Variants in SEMA3A observed in about 807,000 individuals in gnomAD.
SEMA3A encodes the protein semaphorin-3A.
SEMA3A carries 29 observed loss-of-function variants against 97.9 expected under a neutral mutation model. The ratio of observed to expected loss-of-function variants is 0.30; its 90% CI spans 0.22 to 0.40. The LOEUF is 0.40. SEMA3A is among the 10% of genes least tolerant of loss of function. The pLI is 1.00. For synonymous variants in SEMA3A, 321 were observed against 323.7 expected (o/e 0.99, Z 0.09); for missense variants, 763 against 951.3 (o/e 0.80, Z 2.60).
At chr7:84,265,484 T>A (rs1214120316) in intron 3 of SEMA3A, among the ~76,000 whole-genome samples, 3 of 147,494 alleles carry the variant, frequency 2.0e-5, no homozygotes, top group African/African-American at 7.4e-5. Flanking sequence ...ATCTTATATA[T>A]AAAATATATT....
At chr7:84,114,943 T>G (rs1795381134) in intron 3 of SEMA3A, among the ~76,000 whole-genome samples, 1 of 152,154 alleles carries the variant, frequency 6.6e-6, no homozygotes, top group South Asian at 2.1e-4. Flanking sequence ...CTTCTAATGT[T>G]GAATTTGTGA....
At chr7:84,057,946 C>T (rs947917367) in intron 5 of SEMA3A, among the ~76,000 whole-genome samples, 1 of 152,034 alleles carries the variant, frequency 6.6e-6, no homozygotes, top group African/African-American at 2.4e-5. Context: ...TCCATATTCT[C>T]AATAGTCCTC....
At chr7:84,369,454 C>T (rs1377493024) in intron 2 of SEMA3A, among the ~76,000 whole-genome samples, 2 of 150,958 alleles carry the variant, frequency 1.3e-5, no homozygotes, top group Non-Finnish European at 3.0e-5. Flanking sequence ...TAAATAGAAA[C>T]TGAAATGTAG....
At position 84,302,439 on chromosome 7, in the gene SEMA3A, T is replaced by C. The variant is rs181768306; in HGVS notation, c.-83+4768A>G. ...AGAGAGGACTCCGCCAAAACGTTTT[T>C]ACATACCTCAAGGACTTTTTATGCA... On this transcript the variant is annotated intron_variant, in intron 3 of 3. Coordinates refer to the SEMA3A transcript ENST00000424555. Among the ~76,000 whole-genome samples the C allele has an allele frequency of 3.3e-5, 5 of 152,258 alleles. No individual in the cohort carries two copies. The East Asian group carries it at 5.8e-4, about 18-fold the overall frequency.
At chr7:84,351,896 G>A (rs974841388) in intron 2 of SEMA3A, among the ~76,000 whole-genome samples, 17 of 152,136 alleles carry the variant, frequency 1.1e-4, no homozygotes, top group Admixed American at 8.5e-4. Flanking sequence ...AAGGAAATCA[G>A]TATATCAAAG....
chr7:84,403,267 A>G, intron 1 of SEMA3A, among the ~76,000 whole-genome samples: 1 of 152,298 alleles, frequency 6.6e-6, no homozygotes. Context: ...CATGGCTCAG[A>G]GGGTCCTACA....
intron 2 of SEMA3A, among the ~76,000 whole-genome samples, chr7:84,338,343 C>G (rs1011192582): frequency 2.6e-5 from 4 of 151,814 alleles, no homozygotes; most frequent in African/African-American, 9.7e-5. Flanking sequence ...TAACTATAAC[C>G]AAAGTGTAGG....
chr7:84,082,260 T>A (rs1794191525), intron 4 of SEMA3A, among the ~76,000 whole-genome samples: 3 of 152,176 alleles, frequency 2.0e-5, no homozygotes, highest in African/African-American at 7.2e-5. Context: ...ATATTACATG[T>A]GTTTCATTCA....
At chr7:84,046,916 C>G (rs1318108532) in intron 5 of SEMA3A, among the ~76,000 whole-genome samples, 2 of 151,992 alleles carry the variant, frequency 1.3e-5, no homozygotes, top group Admixed American at 1.3e-4. Context: ...ATCTTTTATA[C>G]ACTTCTTTCT....
chr7:84,329,581 G>A (rs566384886), intron 2 of SEMA3A, among the ~76,000 whole-genome samples: 33 of 151,920 alleles, frequency 2.2e-4, no homozygotes, highest in Non-Finnish European at 4.6e-4. Flanking sequence ...AAAATTTTAG[G>A]AAGGACACTC....
intron 3 of SEMA3A, among the ~76,000 whole-genome samples, chr7:84,293,943 C>T (rs1447770339): frequency 6.6e-6 from 1 of 151,930 alleles, no homozygotes; most frequent in African/African-American, 2.4e-5. Context: ...ATTTCAGTGT[C>T]ACAATAAAAA....
rs562886699 is a variant in SEMA3A at position 84,445,651 on chromosome 7, A to G, written c.-246+46809T>C. On this transcript the variant is annotated intron_variant, in intron 1 of 3. Transcript: ENST00000424555. ...GGATCAAAGAAGAAATCACAAAGGA[A>G]ACTGGAAAATACTTAGAGATTAAAC... 1.9e-4 allele frequency among the ~76,000 whole-genome samples: 29 copies of G among 151,868 alleles called. 1 individual carries two copies. The highest frequency in any genetic ancestry group is 1.9e-4 in the East Asian group (1 of 5,186).
At chr7:84,147,725 G>A (rs1002312268) in intron 1 of SEMA3A, among the ~76,000 whole-genome samples, 3 of 152,166 alleles carry the variant, frequency 2.0e-5, no homozygotes, top group Admixed American at 6.5e-5. Flanking sequence ...GTGCAATAGT[G>A]CATATGGGTT....
At chr7:84,354,100 T>C (rs1056864506) in intron 2 of SEMA3A, among the ~76,000 whole-genome samples, 1 of 151,666 alleles carries the variant, frequency 6.6e-6, no homozygotes, top group African/African-American at 2.4e-5. Flanking sequence ...AATGATATTA[T>C]AAACATATAA....
In SEMA3A at chr7:84,430,789, TTGTG is replaced by T. The variant is rs56814153; in HGVS notation, c.-245-58893_-245-58890del. Among the ~76,000 whole-genome samples, 740 of 143,418 alleles carry T rather than the reference TTGTG, an allele frequency of 5.2e-3. 6 individuals are homozygous for T. The highest frequency in any genetic ancestry group is 0.015 in the African/African-American group (599 of 39,598). 94.1% of individuals were successfully genotyped at this position (143,418 alleles called of 152,430 possible). ...CTTCTATACCTACACAACATAAAAT[TTGTG>T]TGTGTGTGTGTGTGTGTGTGTGTGT... is the stretch of plus-strand genomic sequence containing the variant. On this transcript the variant is annotated intron_variant, in intron 1 of 3. Coordinates refer to the SEMA3A transcript ENST00000424555.
intron 1 of SEMA3A, among the ~76,000 whole-genome samples, chr7:84,424,524 T>TAATATATA (rs1804701232): frequency 2.3e-5 from 1 of 43,488 alleles, no homozygotes; most frequent in Non-Finnish European, 3.9e-5. Flanking sequence ...TAATATATGT[T>TAATATATA]ATATATAATA....
At chr7:84,264,451 C>T (rs756400250) in intron 3 of SEMA3A, among the ~76,000 whole-genome samples, 2 of 152,086 alleles carry the variant, frequency 1.3e-5, no homozygotes, top group Non-Finnish European at 2.9e-5. Flanking sequence ...ATTACTTCTG[C>T]GGTTTTTTTC....
At chr7:84,132,849 T>C (rs1269325002) in intron 2 of SEMA3A, among the ~76,000 whole-genome samples, 1 of 151,926 alleles carries the variant, frequency 6.6e-6, no homozygotes, top group East Asian at 1.9e-4. Flanking sequence ...CTAATTTTTG[T>C]ATTTTTAGTA....
At chr7:84,264,383 T>G (rs1040307819) in intron 3 of SEMA3A, among the ~76,000 whole-genome samples, 1 of 152,188 alleles carries the variant, frequency 6.6e-6, no homozygotes, top group African/African-American at 2.4e-5. Flanking sequence ...CCTGAATATT[T>G]ATGCATTGGG....
Sources: allele counts gnomAD v4.1 joint callset (sites outside exome capture counted in the v4.1 genomes callset), GRCh38; gene constraint gnomAD v4.1.1; transcripts MANE v1.5; gene names NCBI Gene and HGNC (gene_info 2026-07-23, HGNC 2026-07-21).